DYNC2H1: variants seen among roughly 807,000 people sequenced by gnomAD.
DYNC2H1 encodes dynein cytoplasmic 2 heavy chain 1, also known as cytoplasmic dynein 2 heavy chain 1.
DYNC2H1 carries 410 observed loss-of-function variants against 570.0 expected under a neutral mutation model. The ratio of observed to expected loss-of-function variants is 0.72; its 90% CI spans 0.66 to 0.78. The LOEUF (loss-of-function observed/expected upper bound fraction) is 0.78, where lower values mean the gene tolerates loss of function less well. Ranked by LOEUF, DYNC2H1 falls within the 30% of genes least tolerant of loss-of-function variation. The probability of loss-of-function intolerance (pLI) is 0.00; values close to 1 mark genes in which losing one functional copy is unlikely to be tolerated. For synonymous variants in DYNC2H1, 1,688 were observed against 1,677.6 expected (o/e 1.01, Z -0.15); for missense variants, 4,865 against 5,046.4 (o/e 0.96, Z 1.09).
At position 103,479,796 on chromosome 11, in the gene DYNC2H1, T is replaced by C. The variant is rs1272314436; in HGVS notation, c.*543T>C. ...AACTAATATCTTAAGGTAATTCAAA[T>C]AGGAATAATTCAGGTGACATAATAA... On this transcript the variant is annotated 3_prime_UTR_variant, in exon 89 of 89. Coordinates refer to ENST00000375735, the MANE Select transcript of DYNC2H1 (RefSeq NM_001377.3). 6.6e-6 allele frequency: 1 copy of C among 152,080 alleles called. No individual in the cohort carries two copies. The highest frequency in any genetic ancestry group is 2.4e-5 in the African/African-American group (1 of 41,410). 9.4% of individuals were successfully genotyped at this position (152,080 alleles called of 1,614,324 possible).
chr11:103,309,463 T>A (rs1252670497), intron 78 of DYNC2H1, among the ~76,000 whole-genome samples: 4 of 151,426 alleles, frequency 2.6e-5, no homozygotes, highest in African/African-American at 9.7e-5. Flanking sequence ...CCCAAAATGC[T>A]GGGATTACAG....
At chr11:103,388,543 G>C (rs911938516) in intron 83 of DYNC2H1, among the ~76,000 whole-genome samples, 2 of 152,136 alleles carry the variant, frequency 1.3e-5, no homozygotes, top group African/African-American at 4.8e-5. Flanking sequence ...ACATTATGTT[G>C]AATAGGAATG....
intron 75 of DYNC2H1, among the ~76,000 whole-genome samples, chr11:103,296,337 G>T (rs1319525104): frequency 6.6e-6 from 1 of 152,166 alleles, no homozygotes; most frequent in Non-Finnish European, 1.5e-5. Flanking sequence ...AAAAAAAGAT[G>T]CTGGTGTCCA....
At position 103,249,316 on chromosome 11, in the gene DYNC2H1, A is replaced by G. The variant is rs1435375871; in HGVS notation, c.10042+3942A>G. Among the ~76,000 whole-genome samples, 5 of 151,998 alleles carry G rather than the reference A, an allele frequency of 3.3e-5. No homozygotes were observed. Among genetic ancestry groups the G allele is most frequent in the Non-Finnish European group, 7.4e-5 (5 of 67,920 alleles). On this transcript the variant is annotated intron_variant, in intron 65 of 88. Coordinates refer to ENST00000375735, the MANE Select transcript of DYNC2H1 (RefSeq NM_001377.3). This position sits in a 1 kb window ranked among gnomAD's most constrained non-coding sequence, Gnocchi z 4.6. ...AGCAGCATTCTGTTCCTCCCCTCCC[A>G]TGACTAGTTCTACTCACCAAAGAAA...
chr11:103,412,126 T>A (rs939592899), intron 84 of DYNC2H1, among the ~76,000 whole-genome samples: 1 of 152,074 alleles, frequency 6.6e-6, no homozygotes, highest in African/African-American at 2.4e-5. Context: ...TACTACCCCA[T>A]TTATTTCAAA....
In DYNC2H1 at chr11:103,316,631, A is replaced by T; in HGVS notation, c.11725+11A>T. 6.7e-7 allele frequency: 1 copy of T among 1,495,164 alleles called. No homozygotes were observed. Among genetic ancestry groups the T allele is most frequent in the South Asian group, 1.4e-5 (1 of 70,652 alleles). The allele number at this position is 1,495,164 out of a possible 1,614,324, so 92.6% of individuals were successfully genotyped here. Reference sequence around the variant, plus strand: ...ACAGACTTTTTGATGGTAAGTTCTAACAAAAATTTTAATCTCATATTAATA... The same window carrying T: ...ACAGACTTTTTGATGGTAAGTTCTATCAAAAATTTTAATCTCATATTAATA... On this transcript the variant is annotated intron_variant, in intron 80 of 88. Transcript: ENST00000375735.
intron 84 of DYNC2H1, chr11:103,408,508 C>T (rs1591703344): frequency 6.6e-6 from 1 of 151,892 alleles, no homozygotes; most frequent in African/African-American, 2.4e-5. Flanking sequence ...ATCTATGAGG[C>T]GAGGTTGCTT....
At chr11:103,224,131 G>T (rs1487693443) in intron 59 of DYNC2H1, among the ~76,000 whole-genome samples, 7 of 152,132 alleles carry the variant, frequency 4.6e-5, no homozygotes, top group African/African-American at 1.7e-4. Flanking sequence ...TGTGTGGGCA[G>T]GTAGGAGGAA....
chr11:103,304,736 T>TGTG lies in DYNC2H1; in HGVS notation c.11382+18_11382+19insGGT, dbSNP rs3834451. 0.15 allele frequency: 248,638 copies of TGTG among 1,609,116 alleles called. 21,074 individuals carry two copies. The highest frequency in any genetic ancestry group is 0.3 in the Admixed American group (17,992 of 59,704). On this transcript the variant is annotated intron_variant, in intron 77 of 88. Coordinates refer to ENST00000375735, the MANE Select transcript of DYNC2H1 (RefSeq NM_001377.3). ...TCTGGAAAAGGTAGATTCAGATAAA[T>TGTG]GTACAAATAATATCTATTATACTCA...
At chr11:103,468,825 T>G in intron 88 of DYNC2H1, 120 bp downstream of exon 88, 1 of 688,856 alleles carries the variant, frequency 1.5e-6, no homozygotes. Context: ...CACCTGCATT[T>G]GAACAAATTT....
chr11:103,122,609 G>A (rs1167517515), intron 10 of DYNC2H1, among the ~76,000 whole-genome samples: 2 of 152,156 alleles, frequency 1.3e-5, no homozygotes, highest in African/African-American at 2.4e-5. Flanking sequence ...GCCTTGTATG[G>A]GTTATCCTCT....
At chr11:103,257,436 T>C (rs1457961648) in intron 68 of DYNC2H1, among the ~76,000 whole-genome samples, 172 bp from the exon 69 acceptor site, 1 of 152,234 alleles carries the variant, frequency 6.6e-6, no homozygotes, top group Non-Finnish European at 1.5e-5. Flanking sequence ...GATTTTGCTA[T>C]CTTTTTTAGT....
intron 63 of DYNC2H1, among the ~76,000 whole-genome samples, chr11:103,238,531 C>T (rs974990549): frequency 1.2e-4 from 19 of 152,008 alleles, no homozygotes; most frequent in East Asian, 9.7e-4. Flanking sequence ...ATCACACCAC[C>T]GCATACTCCA....
At chr11:103,455,674 C>T (rs1214892984) in intron 86 of DYNC2H1, among the ~76,000 whole-genome samples, 1 of 152,182 alleles carries the variant, frequency 6.6e-6, no homozygotes, top group African/African-American at 2.4e-5. Context: ...TCAATATCCA[C>T]ATGGCTTGTG....
intron 55 of DYNC2H1, among the ~76,000 whole-genome samples, chr11:103,217,906 T>C (rs540025524): frequency 3.3e-5 from 5 of 152,212 alleles, no homozygotes; most frequent in Non-Finnish European, 7.4e-5. Flanking sequence ...GAACAAAAGA[T>C]TTGAGCAGGC....
At chr11:103,123,861 A>G (rs1353762662) in intron 11 of DYNC2H1, among the ~76,000 whole-genome samples, 1 of 151,716 alleles carries the variant, frequency 6.6e-6, no homozygotes, top group East Asian at 1.9e-4. Flanking sequence ...TGTCCCATAG[A>G]ATCATCAGTG....
rs1350669467 is a variant in DYNC2H1, at chr11:103,264,341, C to G, written c.10695+4364C>G. 6.6e-6 allele frequency among the ~76,000 whole-genome samples: 1 copy of G among 152,168 alleles called. No homozygotes were observed. Among genetic ancestry groups the G allele is most frequent in the Non-Finnish European group, 1.5e-5 (1 of 68,022 alleles). On this transcript the variant is annotated intron_variant, in intron 70 of 88. Transcript: ENST00000375735. The surrounding 1 kb of genome is among the most constrained non-coding windows in gnomAD (Gnocchi z 4.8). Reference sequence around the variant, plus strand: ...TGCAATAGAAAAAGAGGGACCCCTACCTAACTCATTTTATGAGACCAGGAT... The same window carrying G: ...TGCAATAGAAAAAGAGGGACCCCTAGCTAACTCATTTTATGAGACCAGGAT...
intron 31 of DYNC2H1, among the ~76,000 whole-genome samples, chr11:103,167,426 G>A (rs1276996187): frequency 6.6e-6 from 1 of 151,754 alleles, no homozygotes; most frequent in African/African-American, 2.4e-5. Context: ...TGTCATCATG[G>A]CTGGCTGACT....
In DYNC2H1 at chr11:103,197,850, A is replaced by AG. The variant is rs573242442; in HGVS notation, c.7709-83_7709-82insG. 2.1e-4 allele frequency: 305 copies of AG among 1,425,752 alleles called. 3 individuals carry two copies. In the South Asian group the frequency reaches 3.7e-3, roughly 18 times the overall value. The allele number at this position is 1,425,752 out of a possible 1,614,324, so 88.3% of individuals were successfully genotyped here. On this transcript the variant is annotated intron_variant, in intron 47 of 88. Coordinates refer to ENST00000375735, the MANE Select transcript of DYNC2H1 (RefSeq NM_001377.3). ...TGATCTTATTTGGATTATTAACTTA[A>AG]AAATGTTTTAGTAGGCAATGTATTT... is the stretch of plus-strand genomic sequence containing the variant.
Sources: gnomAD v4.1 joint callset for allele counts (sites outside exome capture counted in the v4.1 genomes callset) on GRCh38, gnomAD v4.1.1 for gene constraint, Gnocchi (gnomAD v3.1) non-coding constraint, MANE v1.5 for transcripts, NCBI Gene and HGNC (gene_info 2026-07-23, HGNC 2026-07-21) for gene names.